Variants in ARHGAP44 observed in about 807,000 individuals in gnomAD.
ARHGAP44 encodes Rho GTPase activating protein 44, also known as rho GTPase-activating protein 44.
In ARHGAP44, 43 loss-of-function variants were observed where a neutral mutation model predicts 106.8. The ratio of observed to expected loss-of-function variants is 0.40; its 90% confidence interval spans 0.32 to 0.52. The LOEUF (loss-of-function observed/expected upper bound fraction) is 0.52, where lower values mean the gene tolerates loss of function less well. Among genes scored for constraint, ARHGAP44 ranks in the 20% least tolerant of loss-of-function variants. The probability of loss-of-function intolerance (pLI) is 0.48; values close to 1 mark genes in which losing one functional copy is unlikely to be tolerated. For synonymous variants in ARHGAP44, 439 were observed against 410.3 expected, an observed-to-expected ratio of 1.07 and a Z score of -0.85; for missense variants, 866 against 1,050.5, an observed-to-expected ratio of 0.82 and a Z score of 2.43.
intron 16 of ARHGAP44, among the ~76,000 whole-genome samples, chr17:12,960,764 A>G (rs991880974): frequency 6.6e-6 from 1 of 151,812 alleles, no homozygotes; most frequent in African/African-American, 2.4e-5. Context: ...GGGTTTTACC[A>G]TGTTGGCCAG....
chr17:12,859,591 A>G (rs2036008154), intron 1 of ARHGAP44, among the ~76,000 whole-genome samples: 1 of 152,114 alleles, frequency 6.6e-6, no homozygotes, highest in Non-Finnish European at 1.5e-5. Context: ...TTCTCTCTTA[A>G]TATTTCCTGA....
chr17:12,838,651 C>T (rs1264652966), intron 1 of ARHGAP44, among the ~76,000 whole-genome samples: 2 of 152,082 alleles, frequency 1.3e-5, no homozygotes, highest in African/African-American at 2.4e-5. Flanking sequence ...AAACCTTATT[C>T]ACCCCCCACC....
chr17:12,968,853 T>C (rs1229906356), intron 16 of ARHGAP44, among the ~76,000 whole-genome samples: 1 of 151,070 alleles, frequency 6.6e-6, no homozygotes, highest in Non-Finnish European at 1.5e-5. Context: ...CACTGCAAGC[T>C]CCGCCTCCCG....
chr17:12,944,021 G>A, intron 9 of ARHGAP44, 48 bp from the exon 10 acceptor site: 1 of 1,543,842 alleles, frequency 6.5e-7, no homozygotes, highest in South Asian at 1.2e-5. Context: ...TCCAGCATGA[G>A]TGAACTTGGC....
intron 1 of ARHGAP44, among the ~76,000 whole-genome samples, chr17:12,826,239 C>G (rs183894492): frequency 6.6e-6 from 1 of 152,274 alleles, no homozygotes; most frequent in Non-Finnish European, 1.5e-5. Context: ...CCACCCTTCA[C>G]TCTCTGATTG....
intron 18 of ARHGAP44, among the ~76,000 whole-genome samples, chr17:12,977,254 G>A (rs1219739063): frequency 2.0e-5 from 3 of 151,960 alleles, no homozygotes; most frequent in African/African-American, 7.3e-5. Context: ...TTCTCTCCCC[G>A]CATGGGTTTC....
chr17:12,973,873 C>T, intron 17 of ARHGAP44: 1 of 596,758 alleles, frequency 1.7e-6, no homozygotes, highest in Admixed American at 3.0e-5. Flanking sequence ...GGGGGCCGCT[C>T]TTGCCAGGAC....
chr17:12,976,882 A>G (rs1408235404), intron 18 of ARHGAP44, among the ~76,000 whole-genome samples: 2 of 152,146 alleles, frequency 1.3e-5, no homozygotes, highest in African/African-American at 4.8e-5. Context: ...CCAGGAGGAA[A>G]CGGACCCACA....
In ARHGAP44 at chr17:12,881,678, T is replaced by A. The variant is rs183503021; in HGVS notation, c.54-13262T>A. 4.6e-3 allele frequency among the ~76,000 whole-genome samples: 703 copies of A among 152,206 alleles called. 1 individual carries two copies. The highest frequency in any genetic ancestry group is 6.9e-3 in the Non-Finnish European group (467 of 68,014). ...CTTTGCATTTCCATACAAATTTTAT[T>A]TATTTATTTTGTTGTTGTTGTTGTT... On this transcript the variant is annotated intron_variant, in intron 1 of 20. Transcript: ENST00000379672.
intron 16 of ARHGAP44, among the ~76,000 whole-genome samples, chr17:12,964,386 C>G (rs947080261): frequency 6.6e-6 from 1 of 152,170 alleles, no homozygotes; most frequent in East Asian, 1.9e-4. Context: ...CTTTGGACTC[C>G]AAGCATTTGT....
At chr17:12,801,381 T>G (rs980070332) in intron 1 of ARHGAP44, among the ~76,000 whole-genome samples, 1 of 152,194 alleles carries the variant, frequency 6.6e-6, no homozygotes, top group African/African-American at 2.4e-5. Context: ...AAGAGTAGGT[T>G]CTGGTGTCTC....
At chr17:12,857,722 G>C (rs2035951686) in intron 1 of ARHGAP44, among the ~76,000 whole-genome samples, 1 of 151,980 alleles carries the variant, frequency 6.6e-6, no homozygotes, top group South Asian at 2.1e-4. Flanking sequence ...TTCCATAACA[G>C]GATACCCCAA....
intron 4 of ARHGAP44, among the ~76,000 whole-genome samples, chr17:12,913,484 GAATAAA>G (rs1471613548): frequency 2.0e-5 from 3 of 152,088 alleles, no homozygotes; most frequent in Non-Finnish European, 4.4e-5. Flanking sequence ...TTATTAATAT[GAATAAA>G]GGGAGGGAGG....
rs201054130 is a variant in ARHGAP44 at position 12,980,112 on chromosome 17, C to T, written c.1818C>T (p.Gly606=). ...GCTCTGCACAGAAAGGAAGTCCAGG[C>T]TCCAGCCAGGGCACAGCCTGTGCAG... ...SPGSAQKGSP[G]SSQGTACAGT... Residue 606 remains glycine (G), a synonymous_variant, in exon 19 of 21, where the codon GGC becomes GGT. Coordinates refer to ENST00000379672, the MANE Select transcript of ARHGAP44 (RefSeq NM_014859.6). 3 of 1,613,866 alleles carry T rather than the reference C, an allele frequency of 1.9e-6. No individual in the cohort carries two copies. The highest frequency in any genetic ancestry group is 8.5e-7 in the Non-Finnish European group (1 of 1,179,784).
Position 12,949,786 on chromosome 17 carries a change from T to G in ARHGAP44, c.1055+56T>G, listed in dbSNP as rs954363907. ...GAGTTACAGTTTATTTGGGAGTATG[T>G]GCTGAAATTATAGAAGCATGTAACC... On this transcript the variant is annotated intron_variant, in intron 12 of 20. Transcript: ENST00000379672. The surrounding 1 kb of genome is among the most constrained non-coding windows in gnomAD (Gnocchi z 4.1). 3.5e-5 allele frequency: 54 copies of G among 1,527,546 alleles called. No homozygotes were observed. Among genetic ancestry groups the G allele is most frequent in the Non-Finnish European group, 4.2e-5 (47 of 1,106,028 alleles). The allele number at this position is 1,527,546 out of a possible 1,614,324, so 94.6% of individuals were successfully genotyped here. A position where few individuals can be genotyped will look rare whatever the true frequency, so the allele number is the denominator to read the frequency against.
At chr17:12,960,695 C>T (rs1262063804) in intron 16 of ARHGAP44, among the ~76,000 whole-genome samples, 1 of 152,096 alleles carries the variant, frequency 6.6e-6, no homozygotes, top group Non-Finnish European at 1.5e-5. Flanking sequence ...TCCCGAGTAG[C>T]TGGGATTACA....
intron 1 of ARHGAP44, among the ~76,000 whole-genome samples, chr17:12,837,502 CTAA>C (rs1411526317): frequency 6.6e-6 from 1 of 152,038 alleles, no homozygotes; most frequent in Non-Finnish European, 1.5e-5. Context: ...GGACAAATGA[CTAA>C]TGAGTTGACC....
chr17:12,940,059 T>C (rs1414548769), intron 7 of ARHGAP44, among the ~76,000 whole-genome samples: 2 of 152,208 alleles, frequency 1.3e-5, no homozygotes, highest in Non-Finnish European at 2.9e-5. Context: ...GCAGATTGCT[T>C]GAGGTTTCAT....
intron 2 of ARHGAP44, among the ~76,000 whole-genome samples, chr17:12,896,022 A>G (rs1024309633): frequency 6.7e-6 from 1 of 149,092 alleles, no homozygotes; most frequent in Non-Finnish European, 1.5e-5. Flanking sequence ...CAAACACCAC[A>G]TGTTCTCACT....
Sources: gnomAD v4.1 joint callset for allele counts (sites outside exome capture counted in the v4.1 genomes callset) on GRCh38, gnomAD v4.1.1 for gene constraint, Gnocchi (gnomAD v3.1) non-coding constraint, MANE v1.5 for transcripts, NCBI Gene and HGNC (gene_info 2026-07-23, HGNC 2026-07-21) for gene names.